Variants in ASTN2 observed in about 807,000 individuals in gnomAD.
The protein encoded by ASTN2 is astrotactin-2.
In ASTN2, 54 loss-of-function variants were observed where a neutral mutation model predicts 139.8. That is an observed-to-expected ratio of 0.39 (90% CI 0.31 to 0.48). The LOEUF is 0.48. Ranked by LOEUF, ASTN2 falls within the 20% of genes least tolerant of loss-of-function variation. The pLI is 0.95. For missense variants in ASTN2, 1,565 were observed against 1,725.1 expected, an observed-to-expected ratio of 0.91 and a Z score of 1.64; for synonymous variants, 756 against 719.5, an observed-to-expected ratio of 1.05 and a Z score of -0.81.
intron 20 of ASTN2, among the ~76,000 whole-genome samples, chr9:116,461,486 AT>A (rs1848486289): frequency 6.6e-6 from 1 of 152,164 alleles, no homozygotes; most frequent in Non-Finnish European, 1.5e-5. Context: ...ACACACACAT[AT>A]AAAAATCTGT....
chr9:116,782,708 A>G (rs953916650), intron 13 of ASTN2, among the ~76,000 whole-genome samples: 6 of 152,198 alleles, frequency 3.9e-5, no homozygotes, highest in African/African-American at 1.4e-4. Flanking sequence ...TAACCCAACC[A>G]AAATTCACAT....
intron 19 of ASTN2, chr9:116,611,706 GAAACAGATAATCT>G (rs1167899640): frequency 6.6e-6 from 1 of 151,952 alleles, no homozygotes; most frequent in Non-Finnish European, 1.5e-5. Flanking sequence ...CACTCAAGAA[GAAACAGATAATCT>G]AAGTAAATCT....
At chr9:116,901,200 C>T (rs1031125245) in intron 10 of ASTN2, among the ~76,000 whole-genome samples, 7 of 152,012 alleles carry the variant, frequency 4.6e-5, no homozygotes, top group Non-Finnish European at 8.8e-5. Flanking sequence ...CAGGCAATAA[C>T]GCATTGCATA....
chr9:117,099,496 G>A (rs967160173), intron 4 of ASTN2, among the ~76,000 whole-genome samples: 1 of 152,218 alleles, frequency 6.6e-6, no homozygotes, highest in Admixed American at 6.5e-5. Flanking sequence ...GATAGACAGA[G>A]TGACAGAAAA....
At chr9:117,056,233 T>A (rs1839060471) in intron 5 of ASTN2, among the ~76,000 whole-genome samples, 1 of 152,230 alleles carries the variant, frequency 6.6e-6, no homozygotes. Flanking sequence ...TGAATGTTTG[T>A]TGTTTTAAAT....
At chr9:116,818,236 C>A (rs868240713) in intron 12 of ASTN2, among the ~76,000 whole-genome samples, 1 of 152,160 alleles carries the variant, frequency 6.6e-6, no homozygotes, top group South Asian at 2.1e-4. Flanking sequence ...CCTTCTCCTA[C>A]CCAGAACACT....
At chr9:117,221,321 C>G (rs912485246) in intron 2 of ASTN2, among the ~76,000 whole-genome samples, 29 of 152,022 alleles carry the variant, frequency 1.9e-4, no homozygotes, top group Admixed American at 1.8e-3. Context: ...AAAAGTCAAA[C>G]TCAGTACACT....
chr9:117,334,569 C>G (rs545857460), intron 1 of ASTN2, among the ~76,000 whole-genome samples: 3 of 151,694 alleles, frequency 2.0e-5, no homozygotes, highest in Non-Finnish European at 4.4e-5. Flanking sequence ...CATTCTGCCT[C>G]TACCACCTGG....
At chr9:116,880,293 A>G (rs907977432) in intron 10 of ASTN2, among the ~76,000 whole-genome samples, 5 of 152,214 alleles carry the variant, frequency 3.3e-5, no homozygotes, top group African/African-American at 1.2e-4. Context: ...ACTCCAGCAT[A>G]GACCCCAGAT....
chr9:117,339,174 G>A (rs1828985466), intron 1 of ASTN2, among the ~76,000 whole-genome samples: 1 of 152,140 alleles, frequency 6.6e-6, no homozygotes, highest in Non-Finnish European at 1.5e-5. Flanking sequence ...ACTGGTATTA[G>A]TATTTCACAT....
chr9:116,692,217 G>T (rs1860605752), intron 16 of ASTN2, among the ~76,000 whole-genome samples: 1 of 152,200 alleles, frequency 6.6e-6, no homozygotes, highest in Admixed American at 6.5e-5. Flanking sequence ...GTGAAGATTT[G>T]AAACCTTAGA....
chr9:117,127,660 T>A (rs1439391455), intron 4 of ASTN2, among the ~76,000 whole-genome samples: 7 of 149,260 alleles, frequency 4.7e-5, no homozygotes, highest in Non-Finnish European at 8.9e-5. Flanking sequence ...TTAGGGTTTT[T>A]TTTTTGTTTT....
chr9:117,354,007 C>G (rs771432653), intron 1 of ASTN2, among the ~76,000 whole-genome samples: 16 of 152,212 alleles, frequency 1.1e-4, no homozygotes, highest in Non-Finnish European at 1.6e-4. Flanking sequence ...CCACACAACA[C>G]CAAAAGTGAA....
chr9:117,269,376 C>T (rs988727844), intron 2 of ASTN2, among the ~76,000 whole-genome samples: 1 of 152,156 alleles, frequency 6.6e-6, no homozygotes, highest in African/African-American at 2.4e-5. Context: ...TCCCCAAACG[C>T]AAGAGTGCAT....
At chr9:116,668,939 G>A (rs918576895) in intron 16 of ASTN2, among the ~76,000 whole-genome samples, 2 of 152,112 alleles carry the variant, frequency 1.3e-5, no homozygotes, top group African/African-American at 2.4e-5. Flanking sequence ...CCAGATTGAG[G>A]ACTACCTAAA....
chr9:116,915,713 G>T (rs1273049642), intron 10 of ASTN2, among the ~76,000 whole-genome samples: 1 of 152,212 alleles, frequency 6.6e-6, no homozygotes, highest in Non-Finnish European at 1.5e-5. Flanking sequence ...CACCCCAATT[G>T]CATGGGGACA....
chr9:116,722,258 A>G (rs1402993851), intron 16 of ASTN2, among the ~76,000 whole-genome samples: 1 of 45,024 alleles, frequency 2.2e-5, no homozygotes, highest in African/African-American at 7.0e-5. Context: ...ACGCACACAC[A>G]AAAAAAAATA....
chr9:117,184,141 T>C (rs1831141360), intron 3 of ASTN2, among the ~76,000 whole-genome samples: 1 of 152,170 alleles, frequency 6.6e-6, no homozygotes, highest in Non-Finnish European at 1.5e-5. Flanking sequence ...GGCCCAGGGT[T>C]GAGAAGGACA....
intron 2 of ASTN2, among the ~76,000 whole-genome samples, chr9:117,234,232 G>A (rs1391344491): frequency 6.6e-6 from 1 of 152,206 alleles, no homozygotes; most frequent in Non-Finnish European, 1.5e-5. Context: ...CCACCAGCCT[G>A]AAAAGGGAGC....
Sources: allele counts gnomAD v4.1 joint callset (sites outside exome capture counted in the v4.1 genomes callset), GRCh38; gene constraint gnomAD v4.1.1; transcripts MANE v1.5; gene names NCBI Gene and HGNC (gene_info 2026-07-23, HGNC 2026-07-21).